CKAP5: variants seen among roughly 807,000 people sequenced by gnomAD.
The protein encoded by CKAP5 is cytoskeleton associated protein 5.
CKAP5 carries 27 observed loss-of-function variants against 232.8 expected under a neutral mutation model. That is an observed-to-expected ratio of 0.12 (90% confidence interval 0.09 to 0.16). The LOEUF is 0.16. CKAP5 is among the 10% of genes least tolerant of loss of function. The pLI is 1.00. For missense variants in CKAP5, 1,838 were observed against 2,424.7 expected, an observed-to-expected ratio of 0.76 and a Z score of 5.08; for synonymous variants, 785 against 841.1, an observed-to-expected ratio of 0.93 and a Z score of 1.16.
chr11:46,759,508 C>A, intron 33 of CKAP5, 66 bp from the exon 34 acceptor site: 1 of 1,467,994 alleles, frequency 6.8e-7, no homozygotes. Context: ...AAGAGTAGCA[C>A]TGTCAGTTGC....
chr11:46,821,799 G>A lies in CKAP5; in HGVS notation c.-37-531C>T, dbSNP rs555286676. 3.4e-4 allele frequency among the ~76,000 whole-genome samples: 51 copies of A among 152,198 alleles called. 1 individual carries two copies. Among genetic ancestry groups the A allele is most frequent in the African/African-American group, 1.1e-3 (46 of 41,560 alleles). The stretch of plus-strand genomic sequence containing the variant: ...CATGCCTGTAATCTCAGCACTTTGG[G>A]AGGCTGAGGTGGGCAGATCACCTGA... On this transcript the variant is annotated intron_variant, in intron 1 of 43. Coordinates refer to ENST00000529230, the MANE Select transcript of CKAP5 (RefSeq NM_001008938.4).
rs1356354798 is a variant in CKAP5, at chr11:46,753,762, T to TA, written c.4870-266_4870-265insT. Among the ~76,000 whole-genome samples the TA allele has an allele frequency of 2.2e-5, 3 of 138,698 alleles. No individual in the cohort carries two copies. In the East Asian group the frequency reaches 6.1e-4, roughly 28 times the overall value. The allele number at this position is 138,698 out of a possible 152,430, so 91.0% of individuals were successfully genotyped here. ...CCACCACGCTGGGCTAATTTTTGTA[T>TA]TTTTTTTTTTTAGTAGAGATGGGGT... is the stretch of plus-strand genomic sequence containing the variant. On this transcript the variant is annotated intron_variant, in intron 36 of 43. Transcript: ENST00000529230.
At chr11:46,769,279 T>G (rs2065228737) in intron 26 of CKAP5, among the ~76,000 whole-genome samples, 1 of 152,218 alleles carries the variant, frequency 6.6e-6, no homozygotes, top group Non-Finnish European at 1.5e-5. Context: ...AGAAGGTTAA[T>G]AAAGTGGATT....
At chr11:46,791,551 A>G (rs1938722870) in intron 13 of CKAP5, among the ~76,000 whole-genome samples, 2 of 151,974 alleles carry the variant, frequency 1.3e-5, no homozygotes, top group South Asian at 4.2e-4. Context: ...GTGTATGCCT[A>G]TAGTCTCAGC....
intron 28 of CKAP5, among the ~76,000 whole-genome samples, chr11:46,764,351 T>C (rs1047867367): frequency 6.6e-6 from 1 of 152,108 alleles, no homozygotes; most frequent in Non-Finnish European, 1.5e-5. Flanking sequence ...TTTGTAATAG[T>C]GAAAGACCAG....
At chr11:46,812,223 T>C (rs1939289861) in intron 4 of CKAP5, among the ~76,000 whole-genome samples, 1 of 151,722 alleles carries the variant, frequency 6.6e-6, no homozygotes, top group Admixed American at 6.6e-5. Context: ...CCCAGCTACC[T>C]GGGAGACTGA....
At chr11:46,819,394 T>C (rs911826958) in intron 2 of CKAP5, among the ~76,000 whole-genome samples, 2 of 152,098 alleles carry the variant, frequency 1.3e-5, no homozygotes, top group Non-Finnish European at 2.9e-5. Flanking sequence ...GGCCAGATCA[T>C]GCAGGACTAT....
intron 13 of CKAP5, among the ~76,000 whole-genome samples, chr11:46,793,753 T>A (rs1397193279): frequency 6.6e-6 from 1 of 152,040 alleles, no homozygotes; most frequent in Non-Finnish European, 1.5e-5. Context: ...CAAAACCCCA[T>A]CTCTACTAAA....
intron 5 of CKAP5, among the ~76,000 whole-genome samples, chr11:46,810,424 C>G (rs546605869): frequency 6.6e-6 from 1 of 152,264 alleles, no homozygotes; most frequent in African/African-American, 2.4e-5. Context: ...ATCCTCCCAC[C>G]TAAGCTTCAC....
At chr11:46,752,193 T>TATAC (rs1408030107) in intron 38 of CKAP5, among the ~76,000 whole-genome samples, 6 of 66,570 alleles carry the variant, frequency 9.0e-5, no homozygotes, top group African/African-American at 2.6e-4. Flanking sequence ...TATATATATA[T>TATAC]ACACACACAC....
At chr11:46,785,115 G>A (rs1159237149) in intron 16 of CKAP5, among the ~76,000 whole-genome samples, 1 of 152,120 alleles carries the variant, frequency 6.6e-6, no homozygotes, top group Non-Finnish European at 1.5e-5. Context: ...CAGAACTTCA[G>A]AGATTTTAGA....
At chr11:46,829,491 G>A (rs1939727345) in intron 1 of CKAP5, among the ~76,000 whole-genome samples, 1 of 152,084 alleles carries the variant, frequency 6.6e-6, no homozygotes, top group African/African-American at 2.4e-5. Flanking sequence ...GCCAAGAGGG[G>A]ACCACAACAC....
chr11:46,780,525 C>T (rs2065333470), intron 18 of CKAP5, 40 bp from the exon 19 acceptor site: 1 of 1,553,726 alleles, frequency 6.4e-7, no homozygotes, highest in African/African-American at 1.4e-5. Flanking sequence ...ACAAATGAAA[C>T]CCTCAAAATA....
chr11:46,783,485 A>T (rs1325730984), intron 17 of CKAP5, 117 bp from the exon 18 acceptor site: 1 of 624,034 alleles, frequency 1.6e-6, no homozygotes, highest in Non-Finnish European at 2.8e-6. Flanking sequence ...CAACTGCAAG[A>T]ATGCCTTAGG....
chr11:46,761,980 T>C lies in CKAP5; in HGVS notation c.4221+20A>G, dbSNP rs976168478. On this transcript the variant is annotated intron_variant, in intron 32 of 43. Transcript: ENST00000529230. ...AATTCTTTTCACGACATGCTGACAG[T>C]GTTCAGAGAAGTCACTCACATTTCC... is the stretch of plus-strand genomic sequence containing the variant. The C allele has an allele frequency of 6.3e-7, 1 of 1,582,196 alleles. No homozygotes were observed. The highest frequency in any genetic ancestry group is 1.1e-5 in the South Asian group (1 of 89,186).
At chr11:46,838,872 AT>A (rs1195831523) in intron 1 of CKAP5, among the ~76,000 whole-genome samples, 3 of 151,366 alleles carry the variant, frequency 2.0e-5, no homozygotes, top group Admixed American at 6.6e-5. Context: ...ATAAAAAAAA[AT>A]AAATAAAGAC....
Position 46,780,491 on chromosome 11 carries a change from A to G in CKAP5, c.2250-6T>C. ...TGAAAGCTTTGACATTCAACCTAGA[A>G]GAAACATTTAGAATTAAAAGCAAAC... On this transcript the variant is annotated splice_polypyrimidine_tract_variant and splice_region_variant and intron_variant, in intron 18 of 43. Transcript: ENST00000529230. 1 of 1,610,522 alleles carries G rather than the reference A, an allele frequency of 6.2e-7. No individual in the cohort carries two copies. The highest frequency in any genetic ancestry group is 8.5e-7 in the Non-Finnish European group (1 of 1,177,380).
chr11:46,762,704 C>A lies in CKAP5; in HGVS notation c.3950G>T (p.Cys1317Phe). 6.2e-7 allele frequency: 1 copy of A among 1,614,012 alleles called. No individual in the cohort carries two copies. The highest frequency in any genetic ancestry group is 1.1e-5 in the South Asian group (1 of 91,070). ...CATCTTGCTAGCTGGGTAGACAAGG[C>A]ACATCCGGTTCAGGATGGCACGAAC... is the stretch of plus-strand genomic sequence containing the variant. ...KDVRAILNRM[C>F]LVYPASKMFP... The change falls in exon 31 of 44, where the codon TGC (cysteine) becomes TTC (phenylalanine). Residue 1317 changes from cysteine (C) to phenylalanine (F), a missense_variant. Transcript: ENST00000529230.
chr11:46,785,011 T>TTTTA lies in CKAP5; in HGVS notation c.1969-339_1969-338insTAAA, dbSNP rs2065378868. Among the ~76,000 whole-genome samples, 4 of 152,116 alleles carry TTTTA rather than the reference T, an allele frequency of 2.6e-5. No homozygotes were observed. The South Asian group carries it at 8.3e-4, about 32-fold the overall frequency. ...TTAGTACTGAATACACACCCTAAAA[T>TTTTA]ACACAATAAATTACTATACTGACTG... is the stretch of plus-strand genomic sequence containing the variant. On this transcript the variant is annotated intron_variant, in intron 16 of 43. Coordinates refer to ENST00000529230, the MANE Select transcript of CKAP5 (RefSeq NM_001008938.4).
Sources: allele counts gnomAD v4.1 joint callset (sites outside exome capture counted in the v4.1 genomes callset), GRCh38; gene constraint gnomAD v4.1.1; transcripts MANE v1.5; gene names NCBI Gene and HGNC (gene_info 2026-07-23, HGNC 2026-07-21).